ST6GALNAC3: variants seen among roughly 807,000 people sequenced by gnomAD.
The protein encoded by ST6GALNAC3 is ST6 N-acetylgalactosaminide alpha-2,6-sialyltransferase 3.
ST6GALNAC3 carries 25 observed loss-of-function variants against 32.7 expected under a neutral mutation model. That is an observed-to-expected ratio of 0.76 (90% CI 0.56 to 1.07). The LOEUF (loss-of-function observed/expected upper bound fraction) is 1.07. ST6GALNAC3 is among the 50% of genes least tolerant of loss of function. The pLI, the probability that ST6GALNAC3 is intolerant of heterozygous loss-of-function variation, is 0.00. For synonymous variants in ST6GALNAC3, 129 were observed against 133.1 expected (o/e 0.97, Z 0.21); for missense variants, 355 against 382.4 (o/e 0.93, Z 0.60).
intron 3 of ST6GALNAC3, among the ~76,000 whole-genome samples, 181 bp downstream of exon 3, chr1:76,412,598 TC>T (rs1400860635): frequency 1.3e-5 from 2 of 152,116 alleles, no homozygotes; most frequent in African/African-American, 4.8e-5. Context: ...CTATACTACC[TC>T]CTGTTCTTTC....
At chr1:76,628,343 T>A (rs2100728768) in intron 4 of ST6GALNAC3, among the ~76,000 whole-genome samples, 1 of 152,114 alleles carries the variant, frequency 6.6e-6, no homozygotes, top group South Asian at 2.1e-4. Context: ...TAAAGTTTCT[T>A]CAATTATACA....
chr1:76,290,013 T>A (rs1659989991), intron 1 of ST6GALNAC3, among the ~76,000 whole-genome samples: 3 of 152,230 alleles, frequency 2.0e-5, no homozygotes, highest in Non-Finnish European at 1.5e-5. Flanking sequence ...TTTCTGTTTT[T>A]CAGAGTAGTT....
intron 1 of ST6GALNAC3, among the ~76,000 whole-genome samples, chr1:76,200,616 A>G (rs1654463036): frequency 6.6e-6 from 1 of 152,172 alleles, no homozygotes; most frequent in Admixed American, 6.5e-5. Flanking sequence ...CATAAATTAG[A>G]TAATATTGGA....
Position 76,156,956 on chromosome 1 carries a change from C to G in ST6GALNAC3, c.18+82072C>G, listed in dbSNP as rs543322324. Among the ~76,000 whole-genome samples, 61 of 152,322 alleles carry G rather than the reference C, an allele frequency of 4.0e-4. 1 individual carries two copies. The South Asian group carries it at 0.013, about 32-fold the overall frequency. On this transcript the variant is annotated intron_variant, in intron 1 of 4. Coordinates refer to ENST00000328299, the MANE Select transcript of ST6GALNAC3 (RefSeq NM_152996.4). ...CCGTGTTAGCCAGGATGGTCTCAAT[C>G]TTCTGACCTCGTGATCTGCCCGCCT...
chr1:76,348,758 A>T (rs1557810922), intron 2 of ST6GALNAC3, among the ~76,000 whole-genome samples: 1 of 152,182 alleles, frequency 6.6e-6, no homozygotes, highest in Non-Finnish European at 1.5e-5. Flanking sequence ...ATATATATAT[A>T]TATGCATTGT....
intron 3 of ST6GALNAC3, among the ~76,000 whole-genome samples, chr1:76,556,449 G>A (rs1664929630): frequency 6.6e-6 from 1 of 152,034 alleles, no homozygotes; most frequent in East Asian, 1.9e-4. Flanking sequence ...ACATTTTCAG[G>A]AACTACCAGA....
chr1:76,533,383 G>T (rs1271631897), intron 3 of ST6GALNAC3, among the ~76,000 whole-genome samples: 3 of 152,056 alleles, frequency 2.0e-5, no homozygotes, highest in Non-Finnish European at 4.4e-5. Flanking sequence ...ACATGTGAAC[G>T]TCCACAGTGT....
At chr1:76,616,262 AG>A (rs1648286816) in intron 3 of ST6GALNAC3, among the ~76,000 whole-genome samples, 2 of 152,238 alleles carry the variant, frequency 1.3e-5, no homozygotes, top group Non-Finnish European at 2.9e-5. Context: ...TGGACCTCAA[AG>A]GAAGAATTTT....
At chr1:76,438,842 AGT>A (rs1403953841) in intron 3 of ST6GALNAC3, among the ~76,000 whole-genome samples, 1 of 152,142 alleles carries the variant, frequency 6.6e-6, no homozygotes, top group Non-Finnish European at 1.5e-5. Flanking sequence ...ACCTTTCTGG[AGT>A]ACTGGACAGG....
intron 1 of ST6GALNAC3, among the ~76,000 whole-genome samples, chr1:76,312,657 A>G (rs1490517578): frequency 6.6e-6 from 1 of 152,218 alleles, no homozygotes; most frequent in African/African-American, 2.4e-5. Context: ...TCAGAAGAAG[A>G]CATTTATGTG....
At position 76,634,585 on chromosome 1, in the gene ST6GALNAC3, G is replaced by A. The variant is rs906702109; in HGVS notation, c.*5779G>A. On this transcript the variant is annotated 3_prime_UTR_variant, in exon 5 of 5. Coordinates refer to ENST00000328299, the MANE Select transcript of ST6GALNAC3 (RefSeq NM_152996.4). The stretch of plus-strand genomic sequence containing the variant: ...TATAAGCATTGTGTCTTAGAATAAA[G>A]CTTACAAAATGGCAAAGAGCTATTG... The A allele has an allele frequency of 6.6e-6, 1 of 150,890 alleles. No individual in the cohort carries two copies. 9.3% of individuals were successfully genotyped at this position (150,890 alleles called of 1,614,324 possible). A position where few individuals can be genotyped will look rare whatever the true frequency, so the allele number is the denominator to read the frequency against.
intron 1 of ST6GALNAC3, among the ~76,000 whole-genome samples, chr1:76,242,215 AT>A (rs1015203243): frequency 7.2e-5 from 11 of 151,846 alleles, no homozygotes; most frequent in Non-Finnish European, 1.5e-4. Flanking sequence ...TTTTAAATTC[AT>A]TTTTTTTAAG....
chr1:76,545,672 T>A (rs1664250503), intron 3 of ST6GALNAC3, among the ~76,000 whole-genome samples: 1 of 143,002 alleles, frequency 7.0e-6, no homozygotes, highest in South Asian at 2.3e-4. Flanking sequence ...TTTTTTTTTT[T>A]TGAGACGGAG....
chr1:76,238,028 A>G (rs181171722), intron 1 of ST6GALNAC3, among the ~76,000 whole-genome samples: 1 of 152,204 alleles, frequency 6.6e-6, no homozygotes, highest in South Asian at 2.1e-4. Context: ...CTCCTGTCAA[A>G]CTGTCCAACA....
At chr1:76,349,515 G>C (rs1255638522) in intron 2 of ST6GALNAC3, among the ~76,000 whole-genome samples, 1 of 152,214 alleles carries the variant, frequency 6.6e-6, no homozygotes, top group South Asian at 2.1e-4. Flanking sequence ...TCTTAGTCTG[G>C]CTTTTTGAAT....
chr1:76,243,626 T>G (rs1375972293), intron 1 of ST6GALNAC3, among the ~76,000 whole-genome samples: 1 of 152,234 alleles, frequency 6.6e-6, no homozygotes, highest in East Asian at 1.9e-4. Context: ...AGTTAATTTT[T>G]GTATAAGGCA....
Position 76,390,946 on chromosome 1 carries a change from A to ATTTTTTTTTTTTTTTTTTTTTTTTTTTTT in ST6GALNAC3, c.214-21051_214-21050insTTTTTTTTTTTTTTTTTTTTTTTTTTTTT, listed in dbSNP as rs58114434. Among the ~76,000 whole-genome samples, 19 of 120,960 alleles carry ATTTTTTTTTTTTTTTTTTTTTTTTTTTTT rather than the reference A, an allele frequency of 1.6e-4. 1 individual carries two copies. Among genetic ancestry groups the ATTTTTTTTTTTTTTTTTTTTTTTTTTTTT allele is most frequent in the Non-Finnish European group, 2.8e-4 (15 of 52,760 alleles). The allele number at this position is 120,960 out of a possible 152,430, so 79.4% of individuals were successfully genotyped here. Reference sequence around the variant, plus strand: ...TTAAAATGCTTATATATATATATGTATTTTTTTTTTTGAGATGGAGTCTCG... The same window carrying ATTTTTTTTTTTTTTTTTTTTTTTTTTTTT: ...TTAAAATGCTTATATATATATATGTATTTTTTTTTTTTTTTTTTTTTTTTTTTTTTTTTTTTTTTTGAGATGGAGTCTCG... On this transcript the variant is annotated intron_variant, in intron 2 of 4. Transcript: ENST00000328299.
Position 76,196,255 on chromosome 1 carries a change from C to T in ST6GALNAC3, c.19-117550C>T, listed in dbSNP as rs948556340. ...ATGCCTTGGTGGGATTGTTAAAATA[C>T]GGATTGCTGGGCCTTGCTTCTGGAA... On this transcript the variant is annotated intron_variant, in intron 1 of 4. Transcript: ENST00000328299. Among the ~76,000 whole-genome samples, 20 of 152,070 alleles carry T rather than the reference C, an allele frequency of 1.3e-4. 1 individual carries two copies. The highest frequency in any genetic ancestry group is 9.8e-4 in the Admixed American group (15 of 15,254).
chr1:76,396,041 C>T (rs906684864), intron 2 of ST6GALNAC3, among the ~76,000 whole-genome samples: 1 of 152,120 alleles, frequency 6.6e-6, no homozygotes, highest in South Asian at 2.1e-4. Context: ...TTGGTCATTC[C>T]ACATTCTATG....
Sources: gnomAD v4.1 joint callset for allele counts (sites outside exome capture counted in the v4.1 genomes callset) on GRCh38, gnomAD v4.1.1 for gene constraint, MANE v1.5 for transcripts, NCBI Gene and HGNC (gene_info 2026-07-23, HGNC 2026-07-21) for gene names.